MGAT4C: variants seen among roughly 807,000 people sequenced by gnomAD.
The protein encoded by MGAT4C is MGAT4 family member C, also known as alpha-1,3-mannosyl-glycoprotein 4-beta-N-acetylglucosaminyltransferase C.
In MGAT4C, 19 loss-of-function variants were observed where a neutral mutation model predicts 40.1. The observed-to-expected ratio is 0.47, with a 90% CI of 0.33 to 0.70. MGAT4C has a LOEUF of 0.70. Among genes scored for constraint, MGAT4C ranks in the 30% least tolerant of loss-of-function variants. MGAT4C has a pLI of 0.02. For missense variants in MGAT4C, 491 were observed against 563.2 expected (o/e 0.87, Z 1.30); for synonymous variants, 181 against 187.1 (o/e 0.97, Z 0.27).
intron 2 of MGAT4C, among the ~76,000 whole-genome samples, chr12:86,460,516 T>C (rs572868723): frequency 3.3e-4 from 51 of 152,308 alleles, no homozygotes; most frequent in Admixed American, 7.8e-4. Flanking sequence ...TATTAATAAA[T>C]GGTATTTCTT....
chr12:86,671,566 T>A (rs1468080437), intron 2 of MGAT4C, among the ~76,000 whole-genome samples: 1 of 152,024 alleles, frequency 6.6e-6, no homozygotes, highest in Non-Finnish European at 1.5e-5. Context: ...ACACATTTGA[T>A]CTATAAAGAT....
At position 86,309,351 on chromosome 12, in the gene MGAT4C, G is replaced by C. The variant is rs1375831591; in HGVS notation, c.-57+24714C>G. 2.6e-5 allele frequency among the ~76,000 whole-genome samples: 4 copies of C among 152,304 alleles called. No homozygotes were observed. In the South Asian group the frequency reaches 8.3e-4, roughly 32 times the overall value. Reference sequence around the variant, plus strand: ...TTGCTATGAAAGAATACCATAGACTGGGTAATGTACTGTAAAGAAAATAAG... The same window carrying C: ...TTGCTATGAAAGAATACCATAGACTCGGTAATGTACTGTAAAGAAAATAAG... On this transcript the variant is annotated intron_variant, in intron 4 of 7. Transcript: ENST00000548651.
At position 86,482,792 on chromosome 12, in the gene MGAT4C, A is replaced by T. The variant is rs371379425; in HGVS notation, c.-228-47527T>A. ...TATAGTCATATATGATACAACGCATAATTTTCTTTAGGTCACAGAATTTAC... is the reference window on the plus strand; with the variant it reads ...TATAGTCATATATGATACAACGCATTATTTTCTTTAGGTCACAGAATTTAC... On this transcript the variant is annotated intron_variant, in intron 2 of 7. Transcript: ENST00000548651. Among the ~76,000 whole-genome samples the T allele has an allele frequency of 1.6e-4, 24 of 152,294 alleles. 2 individuals are homozygous for T. The East Asian group carries it at 3.1e-3, about 20-fold the overall frequency.
At chr12:86,509,382 A>G (rs1264348947) in intron 2 of MGAT4C, among the ~76,000 whole-genome samples, 1 of 152,044 alleles carries the variant, frequency 6.6e-6, no homozygotes, top group Non-Finnish European at 1.5e-5. Context: ...GATATGCAGC[A>G]TTATTTCTGA....
intron 2 of MGAT4C, among the ~76,000 whole-genome samples, chr12:86,531,603 A>G (rs75504167): frequency 0.012 from 1,803 of 152,108 alleles, 21 homozygotes; most frequent in East Asian, 0.048. Context: ...TATTGAAGCC[A>G]CTTTTTTTCA....
chr12:86,421,030 T>TTTTGAA lies in MGAT4C; in HGVS notation c.-120+14126_-120+14127insTTCAAA. Among the ~76,000 whole-genome samples the TTTTGAA allele has an allele frequency of 5.9e-5, 9 of 152,114 alleles. 1 individual carries two copies. The highest frequency in any genetic ancestry group is 2.2e-4 in the African/African-American group (9 of 41,520). ...TCACATTTCAAAACTCCTTTTATAG[T>TTTTGAA]AATAAAATATAGTGAGACATTGTGA... On this transcript the variant is annotated intron_variant, in intron 3 of 7. Transcript: ENST00000548651.
At chr12:86,181,969 ACT>A (rs1439906803) in intron 1 of MGAT4C, among the ~76,000 whole-genome samples, 1 of 152,066 alleles carries the variant, frequency 6.6e-6, no homozygotes, top group Non-Finnish European at 1.5e-5. Flanking sequence ...TTAATAAACC[ACT>A]GTTAGAATAT....
At chr12:86,427,776 T>C (rs1442858559) in intron 3 of MGAT4C, among the ~76,000 whole-genome samples, 2 of 152,128 alleles carry the variant, frequency 1.3e-5, no homozygotes, top group Non-Finnish European at 2.9e-5. Flanking sequence ...ATCCCAGCAC[T>C]CTGGGAGGCT....
chr12:86,700,194 T>C (rs143384612), intron 2 of MGAT4C, among the ~76,000 whole-genome samples: 83 of 141,958 alleles, frequency 5.8e-4, no homozygotes, highest in Non-Finnish European at 5.6e-4. Flanking sequence ...GATAGATAGA[T>C]AGATAGATAG....
chr12:86,368,057 G>A (rs535668032), intron 3 of MGAT4C, among the ~76,000 whole-genome samples: 1 of 152,020 alleles, frequency 6.6e-6, no homozygotes, highest in Admixed American at 6.6e-5. Context: ...ACGGAAATTT[G>A]CTAAAATAAA....
intron 2 of MGAT4C, among the ~76,000 whole-genome samples, chr12:86,710,601 A>G (rs952880341): frequency 1.3e-5 from 2 of 152,170 alleles, no homozygotes; most frequent in African/African-American, 4.8e-5. Flanking sequence ...GTGTAAACTA[A>G]TACAACCACT....
intron 2 of MGAT4C, among the ~76,000 whole-genome samples, chr12:86,725,758 C>T (rs573327785): frequency 8.6e-5 from 13 of 151,550 alleles, no homozygotes; most frequent in African/African-American, 2.2e-4. Context: ...CCACCGCGCC[C>T]GGCCCAGCGC....
rs112983335 is a variant in MGAT4C, at chr12:85,983,542, G to A, written c.276C>T (p.Ala92=). ...AINVTYRYLA[A]TPLQRKRYLT... ...ACTTACGCTTTCTTTGTAAAGGTGTGGCAGCTAGGTAGCGATAGGTGACAT... is the reference window on the plus strand; with the variant it reads ...ACTTACGCTTTCTTTGTAAAGGTGTAGCAGCTAGGTAGCGATAGGTGACAT... The change falls in exon 4 of 5, where the codon GCC becomes GCT. Residue 92 remains alanine (A), a synonymous_variant. Transcript: ENST00000611864. The A allele has an allele frequency of 6.3e-7, 1 of 1,578,608 alleles. No homozygotes were observed. The highest frequency in any genetic ancestry group is 1.9e-5 in the Admixed American group (1 of 52,588).
chr12:86,359,209 A>T (rs1955394834), intron 3 of MGAT4C, among the ~76,000 whole-genome samples: 1 of 152,168 alleles, frequency 6.6e-6, no homozygotes, highest in Admixed American at 6.5e-5. Context: ...AAACTGAACA[A>T]CCTGCTCCTG....
intron 3 of MGAT4C, among the ~76,000 whole-genome samples, chr12:86,367,013 T>C (rs2136207815): frequency 6.6e-6 from 1 of 152,178 alleles, no homozygotes; most frequent in South Asian, 2.1e-4. Flanking sequence ...GTGTTAAAAG[T>C]AACACCACAA....
At chr12:86,044,157 A>G (rs1307211849) in intron 2 of MGAT4C, among the ~76,000 whole-genome samples, 4 of 152,160 alleles carry the variant, frequency 2.6e-5, no homozygotes, top group Non-Finnish European at 5.9e-5. Flanking sequence ...TCAGTTCAGC[A>G]TTCTTGAGCT....
At chr12:86,290,972 T>C (rs1566263001) in intron 4 of MGAT4C, among the ~76,000 whole-genome samples, 1 of 152,270 alleles carries the variant, frequency 6.6e-6, no homozygotes, top group East Asian at 1.9e-4. Context: ...AGAGTTGAAA[T>C]TTAAAATGCT....
intron 1 of MGAT4C, among the ~76,000 whole-genome samples, chr12:86,193,002 TCTTA>T (rs1420741442): frequency 1.3e-5 from 2 of 152,112 alleles, no homozygotes; most frequent in Non-Finnish European, 2.9e-5. Context: ...CTGTTTCACT[TCTTA>T]CTTTTGTATA....
At chr12:86,785,231 T>C (rs1444990517) in intron 1 of MGAT4C, among the ~76,000 whole-genome samples, 1 of 152,028 alleles carries the variant, frequency 6.6e-6, no homozygotes, top group Non-Finnish European at 1.5e-5. Context: ...CTGAGTTCAG[T>C]ATATTGATTC....
Sources: gnomAD v4.1 joint callset for allele counts (sites outside exome capture counted in the v4.1 genomes callset) on GRCh38, gnomAD v4.1.1 for gene constraint, MANE v1.5 for transcripts, NCBI Gene and HGNC (gene_info 2026-07-23, HGNC 2026-07-21) for gene names.